Variants in HSD17B14 observed in about 807,000 individuals in gnomAD.
HSD17B14 encodes the protein hydroxysteroid 17-beta dehydrogenase 14.
HSD17B14 carries 32 observed loss-of-function variants against 32.2 expected under a neutral mutation model. The ratio of observed to expected loss-of-function variants is 0.99; its 90% CI spans 0.75 to 1.33. HSD17B14 has a LOEUF of 1.33. Among genes scored for constraint, HSD17B14 ranks in the 40% most tolerant of loss-of-function variants. HSD17B14 has a pLI of 0.00. For missense variants in HSD17B14, 370 were observed against 366.5 expected (o/e 1.01, Z -0.08); for synonymous variants, 140 against 155.4 (o/e 0.90, Z 0.74).
At chr19:48,823,566 T>C (rs2035194288) in intron 5 of HSD17B14, among the ~76,000 whole-genome samples, 1 of 152,062 alleles carries the variant, frequency 6.6e-6, no homozygotes, top group Non-Finnish European at 1.5e-5. Context: ...GTGTACAAAA[T>C]GTGAATTAAT....
At chr19:48,831,949 G>C (rs993610564) in intron 4 of HSD17B14, among the ~76,000 whole-genome samples, 190 bp from the exon 5 acceptor site, 2 of 151,590 alleles carry the variant, frequency 1.3e-5, no homozygotes, top group African/African-American at 2.4e-5. Flanking sequence ...GTGGTGGCGG[G>C]TGCCTATATT....
At chr19:48,832,117 T>C (rs955293057) in intron 4 of HSD17B14, among the ~76,000 whole-genome samples, 3 of 132,462 alleles carry the variant, frequency 2.3e-5, no homozygotes, top group African/African-American at 8.7e-5. Flanking sequence ...CAGTGGCTCA[T>C]GCCTGTAATC....
rs772197700 is a variant in HSD17B14, at chr19:48,832,711, G to A, written c.232C>T (p.Arg78Cys). The A allele has an allele frequency of 1.9e-5, 31 of 1,613,152 alleles. No individual in the cohort carries two copies. The highest frequency in any genetic ancestry group is 1.1e-4 in the East Asian group (5 of 44,874). Residue 78 changes from arginine to cysteine, a missense_variant, in exon 4 of 9, where the codon CGC becomes TGC. Physicochemically the swap from Arg to Cys is radical, Grantham distance 180 (BLOSUM62 -3). Coordinates refer to ENST00000263278, the MANE Select transcript of HSD17B14 (RefSeq NM_016246.3). ...DVKTLVSETI[R>C]RFGRLDCVVN... is the part of the protein sequence containing the mutation. ...ACACAATCCAGGCGGCCAAATCGGC[G>A]GATGGTCTCAGAAACCAGGGTCTGA...
chr19:48,813,929 C>G (rs561941877), intron 6 of HSD17B14, among the ~76,000 whole-genome samples, 199 bp from the exon 7 acceptor site: 63 of 152,326 alleles, frequency 4.1e-4, no homozygotes, highest in African/African-American at 1.4e-3. Flanking sequence ...GGTGCAGTGG[C>G]TCACACCTGT....
intron 5 of HSD17B14, among the ~76,000 whole-genome samples, chr19:48,823,939 T>C (rs73059594): frequency 0.34 from 51,208 of 149,330 alleles, 8,990 homozygotes; most frequent in African/African-American, 0.4. Flanking sequence ...CTGCATCCGG[T>C]CTATTTTTCT....
chr19:48,825,398 A>G (rs2122773215), intron 5 of HSD17B14, among the ~76,000 whole-genome samples: 1 of 151,978 alleles, frequency 6.6e-6, no homozygotes, highest in African/African-American at 2.4e-5. Flanking sequence ...TACAGCCTCA[A>G]CCTCCTGGGC....
chr19:48,827,287 C>T (rs1480566095), intron 5 of HSD17B14, among the ~76,000 whole-genome samples: 4 of 151,910 alleles, frequency 2.6e-5, no homozygotes, highest in Non-Finnish European at 4.4e-5. Context: ...ATGATCTGCC[C>T]GCCTTAGCCT....
chr19:48,826,731 C>T (rs1056733902), intron 5 of HSD17B14, among the ~76,000 whole-genome samples: 1 of 151,558 alleles, frequency 6.6e-6, no homozygotes, highest in African/African-American at 2.4e-5. Flanking sequence ...GAACATTTCA[C>T]CTGGATCTTG....
At chr19:48,833,306 C>G (rs10423929) in intron 3 of HSD17B14, among the ~76,000 whole-genome samples, 2 of 151,190 alleles carry the variant, frequency 1.3e-5, no homozygotes, top group Admixed American at 6.6e-5. Context: ...ATTCAGAGAG[C>G]GCGTAGGGGA....
intron 5 of HSD17B14, among the ~76,000 whole-genome samples, chr19:48,820,531 A>T (rs2035128634): frequency 6.6e-6 from 1 of 150,722 alleles, no homozygotes; most frequent in South Asian, 2.1e-4. Flanking sequence ...CTGAATGGAT[A>T]GATTTTTTTT....
rs779944003 is a variant in HSD17B14 at position 48,813,619 on chromosome 19, C to T, written c.542+44G>A. On this transcript the variant is annotated intron_variant, in intron 7 of 8. Transcript: ENST00000263278. ...ACCACTTGGGATCACTCCCAGTCAC[C>T]CCAGTCCCCCCAGGAGGCTCTCCGC... 3 of 1,613,000 alleles carry T rather than the reference C, an allele frequency of 1.9e-6. No individual in the cohort carries two copies. In the African/African-American group the frequency reaches 4.0e-5, roughly 22 times the overall value.
chr19:48,830,355 C>T (rs911443341), intron 5 of HSD17B14, among the ~76,000 whole-genome samples: 4 of 152,124 alleles, frequency 2.6e-5, no homozygotes, highest in Admixed American at 2.0e-4. Flanking sequence ...GCGTCTATCA[C>T]CTTGGGATGT....
In HSD17B14 at chr19:48,836,318, G is replaced by A. The variant is rs769310990; in HGVS notation, c.88+6C>T. 1.2e-6 allele frequency: 2 copies of A among 1,613,136 alleles called. No individual in the cohort carries two copies. The highest frequency in any genetic ancestry group is 2.2e-5 in the East Asian group (1 of 44,834). ...CCACAGCTCCCAGCAGTCAGACCCG[G>A]CTCACCGAAGGCGCGCACGATCCCA... is the stretch of plus-strand genomic sequence containing the variant. On this transcript the variant is annotated splice_donor_region_variant and intron_variant, in intron 1 of 8. Transcript: ENST00000263278.
Position 48,831,726 on chromosome 19 carries a change from G to A in HSD17B14, c.311C>T (p.Ala104Val), listed in dbSNP as rs745369046. ...PPPQRPEETSAQGFRQLLELN... is the reference protein window; with the variant it reads ...PPPQRPEETSVQGFRQLLELN... Reference sequence around the variant, plus strand: ...CTCCAGCAGCTGGCGGAATCCCTGGGCAGAGGTCTCCTCAGGCCTCTGTGG... The same window carrying A: ...CTCCAGCAGCTGGCGGAATCCCTGGACAGAGGTCTCCTCAGGCCTCTGTGG... Residue 104 changes from alanine to valine, a missense_variant, in exon 5 of 9, where the codon GCC (alanine) becomes GTC (valine). Transcript: ENST00000263278. 2 of 1,613,580 alleles carry A rather than the reference G, an allele frequency of 1.2e-6. No homozygotes were observed. Among genetic ancestry groups the A allele is most frequent in the East Asian group, 2.2e-5 (1 of 44,842 alleles).
In HSD17B14 at chr19:48,813,746, C is replaced by G; in HGVS notation, c.475-16G>C. 6.2e-7 allele frequency: 1 copy of G among 1,614,032 alleles called. No individual in the cohort carries two copies. Among genetic ancestry groups the G allele is most frequent in the Non-Finnish European group, 8.5e-7 (1 of 1,179,942 alleles). ...TTACTGCCCCCTGCAGGAAATGGAG[C>G]GGGGAAGAAAGTTCAGTCCCCGGGA... is the stretch of plus-strand genomic sequence containing the variant. On this transcript the variant is annotated splice_polypyrimidine_tract_variant and intron_variant, in intron 6 of 8. Transcript: ENST00000263278.
In HSD17B14 at chr19:48,813,197, TC is replaced by T; in HGVS notation, c.790del (p.Asp264ThrfsTer19). 1 of 1,602,748 alleles carries T rather than the reference TC, an allele frequency of 6.2e-7. No individual in the cohort carries two copies. On this transcript the variant is annotated frameshift_variant, in exon 9 of 9. Coordinates refer to ENST00000263278, the MANE Select transcript of HSD17B14 (RefSeq NM_016246.3). LOFTEE classifies it high-confidence loss of function. ...AAATCAGGAAGGGATATCGGGGGCG[TC>T]CACGGGGGTGCTCCGACTGGCCTTG... is the stretch of plus-strand genomic sequence containing the variant. ...GCKASRSTPV[D>X]APDIPS
intron 5 of HSD17B14, among the ~76,000 whole-genome samples, chr19:48,825,849 C>T (rs2035234492): frequency 6.6e-6 from 1 of 151,980 alleles, no homozygotes; most frequent in Non-Finnish European, 1.5e-5. Flanking sequence ...GAGATGGAGT[C>T]TTGCTCTGTC....
At chr19:48,822,355 G>A in intron 5 of HSD17B14, among the ~76,000 whole-genome samples, 1 of 146,816 alleles carries the variant, frequency 6.8e-6, no homozygotes, top group South Asian at 2.2e-4. Flanking sequence ...TGATGATGGT[G>A]GCAATGATGG....
intron 5 of HSD17B14, among the ~76,000 whole-genome samples, chr19:48,818,766 G>A (rs940681730): frequency 1.3e-5 from 2 of 151,948 alleles, no homozygotes; most frequent in African/African-American, 4.8e-5. Context: ...TTGGGAGACT[G>A]AGGTGGGAGG....
Sources: gnomAD v4.1 joint callset for allele counts (sites outside exome capture counted in the v4.1 genomes callset) on GRCh38, gnomAD v4.1.1 for gene constraint, MANE v1.5 for transcripts, NCBI Gene and HGNC (gene_info 2026-07-23, HGNC 2026-07-21) for gene names.